NBEA: variants seen among roughly 807,000 people sequenced by gnomAD.
The protein encoded by NBEA is lysosomal-trafficking regulator 2.
NBEA carries 44 observed loss-of-function variants against 343.4 expected under a neutral mutation model. The observed-to-expected ratio is 0.13, with a 90% CI of 0.10 to 0.16. The LOEUF is 0.16. Ranked by LOEUF, NBEA falls within the 10% of genes least tolerant of loss-of-function variation. NBEA has a pLI of 1.00. For missense variants in NBEA, 2,555 were observed against 3,631.3 expected (o/e 0.70, Z 7.62); for synonymous variants, 1,175 against 1,238.7 (o/e 0.95, Z 1.08).
intron 1 of NBEA, among the ~76,000 whole-genome samples, chr13:35,035,255 T>A (rs2062396285): frequency 6.6e-6 from 1 of 152,028 alleles, no homozygotes; most frequent in Non-Finnish European, 1.5e-5. Flanking sequence ...AATTTCCTTC[T>A]TAATTTCTTC....
At chr13:35,135,550 CAT>C (rs150299023) in intron 17 of NBEA, among the ~76,000 whole-genome samples, 4,225 of 151,904 alleles carry the variant, frequency 0.028, 83 homozygotes, top group South Asian at 0.075. Flanking sequence ...AATTTGTAAA[CAT>C]GTCATTCTGG....
intron 40 of NBEA, among the ~76,000 whole-genome samples, chr13:35,470,942 G>A (rs532694598): frequency 5.3e-5 from 8 of 152,326 alleles, no homozygotes; most frequent in South Asian, 2.1e-4. Flanking sequence ...CCTTTCCAAA[G>A]AAAAACCTTG....
intron 41 of NBEA, among the ~76,000 whole-genome samples, chr13:35,512,194 C>T (rs764746566): frequency 4.3e-4 from 65 of 152,056 alleles, no homozygotes; most frequent in Admixed American, 4.1e-3. Flanking sequence ...GAAGTAAAAT[C>T]GTGAACCCAT....
At chr13:35,152,933 C>T (rs1284931389) in intron 18 of NBEA, among the ~76,000 whole-genome samples, 1 of 152,052 alleles carries the variant, frequency 6.6e-6, no homozygotes, top group Non-Finnish European at 1.5e-5. Context: ...CTTTGGGGCC[C>T]ATCTTGAGTC....
chr13:35,258,917 C>T (rs191773971), intron 34 of NBEA, among the ~76,000 whole-genome samples: 46 of 152,180 alleles, frequency 3.0e-4, no homozygotes, highest in African/African-American at 9.9e-4. Flanking sequence ...GATTTTGCCC[C>T]CAAATAGGGT....
chr13:35,516,073 C>G (rs1305379683), intron 41 of NBEA, among the ~76,000 whole-genome samples: 1 of 152,026 alleles, frequency 6.6e-6, no homozygotes, highest in Non-Finnish European at 1.5e-5. Flanking sequence ...ATTGTAGAAA[C>G]TTTAAATTAT....
intron 30 of NBEA, among the ~76,000 whole-genome samples, chr13:35,189,991 C>G (rs532475708): frequency 6.6e-6 from 1 of 152,136 alleles, no homozygotes; most frequent in Non-Finnish European, 1.5e-5. Flanking sequence ...GGCCAGACAC[C>G]AGTGGTAGTT....
chr13:35,070,294 G>A (rs939792615), intron 9 of NBEA, among the ~76,000 whole-genome samples, 189 bp downstream of exon 9: 1 of 151,832 alleles, frequency 6.6e-6, no homozygotes, highest in African/African-American at 2.4e-5. Context: ...CCCTGGCCTT[G>A]TCTCCTTAGT....
chr13:35,575,835 T>C (rs899220870), intron 45 of NBEA, among the ~76,000 whole-genome samples: 1 of 152,246 alleles, frequency 6.6e-6, no homozygotes, highest in East Asian at 1.9e-4. Context: ...GATTCTTCTG[T>C]CTTATCTGTC....
At chr13:35,596,463 G>T (rs1455041364) in intron 47 of NBEA, among the ~76,000 whole-genome samples, 1 of 152,044 alleles carries the variant, frequency 6.6e-6, no homozygotes, top group East Asian at 1.9e-4. Context: ...AATCACATAG[G>T]AGAGAACTAG....
chr13:35,045,632 C>T (rs1289369130), intron 4 of NBEA, among the ~76,000 whole-genome samples: 3 of 152,162 alleles, frequency 2.0e-5, no homozygotes, highest in Non-Finnish European at 1.5e-5. Context: ...CTTACTACTT[C>T]TGATTTACTT....
intron 47 of NBEA, among the ~76,000 whole-genome samples, chr13:35,603,634 GA>G (rs1324918262): frequency 1.3e-5 from 2 of 152,148 alleles, no homozygotes; most frequent in African/African-American, 4.8e-5. Context: ...TGTACATGTA[GA>G]TATATACGTT....
intron 35 of NBEA, among the ~76,000 whole-genome samples, chr13:35,294,715 A>G (rs919183128): frequency 2.6e-5 from 4 of 152,196 alleles, no homozygotes. Flanking sequence ...ACAATAAAAA[A>G]TTATGACCTG....
intron 34 of NBEA, among the ~76,000 whole-genome samples, chr13:35,253,476 T>G (rs933666340): frequency 3.9e-5 from 6 of 152,238 alleles, no homozygotes; most frequent in African/African-American, 1.4e-4. Context: ...AAACGAGAAT[T>G]GTGTGGCTTG....
intron 49 of NBEA, among the ~76,000 whole-genome samples, chr13:35,633,747 C>T (rs1397000403): frequency 1.3e-5 from 2 of 152,036 alleles, no homozygotes; most frequent in South Asian, 2.1e-4. Context: ...GCATTATTAC[C>T]TAAAGGCATA....
chr13:35,326,557 A>G (rs1489577598), intron 36 of NBEA, among the ~76,000 whole-genome samples: 2 of 152,128 alleles, frequency 1.3e-5, no homozygotes, highest in African/African-American at 4.8e-5. Flanking sequence ...AGGGTTTTCT[A>G]GTATAGATTC....
chr13:35,176,944 TATATATTATCTGTA>T, intron 27 of NBEA, 38 bp from the exon 28 acceptor site: 2 of 1,184,376 alleles, frequency 1.7e-6, no homozygotes, highest in Non-Finnish European at 2.4e-6. Context: ...GTGATACTTC[TATATATTATCTGTA>T]ATATATTATC....
rs944920706 is a variant in NBEA, at chr13:35,157,060, A to G, written c.2652-18A>G. On this transcript the variant is annotated intron_variant, in intron 20 of 58. Transcript: ENST00000379939. Reference sequence around the variant, plus strand: ...TAATTTGGATATTTTTAATGAGATCAAATTTTTTTCTCCCTAGATGCTTAT... The same window carrying G: ...TAATTTGGATATTTTTAATGAGATCGAATTTTTTTCTCCCTAGATGCTTAT... The G allele has an allele frequency of 4.6e-6, 7 of 1,510,120 alleles. No individual in the cohort carries two copies. The highest frequency in any genetic ancestry group is 2.8e-5 in the African/African-American group (2 of 70,964). 93.5% of individuals were successfully genotyped at this position (1,510,120 alleles called of 1,614,324 possible).
chr13:34,967,147 T>A (rs914280462), intron 1 of NBEA, among the ~76,000 whole-genome samples: 1 of 151,824 alleles, frequency 6.6e-6, no homozygotes, highest in African/African-American at 2.4e-5. Context: ...TAGAAAGGTT[T>A]GTTATTATTA....
Sources: gnomAD v4.1 joint callset for allele counts (sites outside exome capture counted in the v4.1 genomes callset) on GRCh38, gnomAD v4.1.1 for gene constraint, MANE v1.5 for transcripts, NCBI Gene and HGNC (gene_info 2026-07-23, HGNC 2026-07-21) for gene names.